ITGA1: variants seen among roughly 807,000 people sequenced by gnomAD.
ITGA1 encodes the protein integrin alpha-1.
A neutral mutation model predicts 145.9 loss-of-function variants in ITGA1; 85 were observed. The observed-to-expected ratio is 0.58, with a 90% CI of 0.49 to 0.70. The LOEUF is 0.70. Ranked by LOEUF, ITGA1 falls within the 30% of genes least tolerant of loss-of-function variation. The pLI is 0.00. For missense variants in ITGA1, 1,351 were observed against 1,418.7 expected, an observed-to-expected ratio of 0.95 and a Z score of 0.77; for synonymous variants, 520 against 495.3, an observed-to-expected ratio of 1.05 and a Z score of -0.66.
At chr5:52,852,992 A>G (rs947571497) in intron 2 of ITGA1, among the ~76,000 whole-genome samples, 9 of 152,328 alleles carry the variant, frequency 5.9e-5, no homozygotes, top group African/African-American at 2.2e-4. Flanking sequence ...TTAGAACTAT[A>G]TTTAAAAGTA....
At chr5:52,905,627 G>T in intron 11 of ITGA1, 136 bp from the exon 12 acceptor site, 1 of 659,090 alleles carries the variant, frequency 1.5e-6, no homozygotes, top group Non-Finnish European at 2.4e-6. Flanking sequence ...ATTCTTACGT[G>T]CATTGAAGAA....
In ITGA1 at chr5:52,836,221, C is replaced by T. The variant is rs111441508; in HGVS notation, c.62-13144C>T. Among the ~76,000 whole-genome samples, 158 of 152,306 alleles carry T rather than the reference C, an allele frequency of 1.0e-3. 1 individual carries two copies. Among genetic ancestry groups the T allele is most frequent in the African/African-American group, 3.5e-3 (144 of 41,576 alleles). ...CCTGGAGCAGCACATGTGTCTCTTTCTTACAGAAAATTTCAGTTCCATGGT... is the reference window on the plus strand; with the variant it reads ...CCTGGAGCAGCACATGTGTCTCTTTTTTACAGAAAATTTCAGTTCCATGGT... On this transcript the variant is annotated intron_variant, in intron 1 of 28. Coordinates refer to ENST00000282588, the MANE Select transcript of ITGA1 (RefSeq NM_181501.2).
Position 52,788,423 on chromosome 5 carries a change from C to G in ITGA1, c.61+9C>G. On this transcript the variant is annotated intron_variant, in intron 1 of 28. Transcript: ENST00000282588. ...CTGCTGGCTCCTCACTGGTGAGCGA[C>G]TCGCTTTTCTCTGAGCATCTCCTGC... 1 of 1,504,772 alleles carries G rather than the reference C, an allele frequency of 6.6e-7. No individual in the cohort carries two copies. The highest frequency in any genetic ancestry group is 1.2e-5 in the South Asian group (1 of 80,334). The allele number at this position is 1,504,772 out of a possible 1,614,324, so 93.2% of individuals were successfully genotyped here. A position where few individuals can be genotyped will look rare whatever the true frequency, so the allele number is the denominator to read the frequency against.
intron 1 of ITGA1, chr5:52,800,550 C>T (rs1748449548): frequency 6.2e-7 from 1 of 1,613,844 alleles, no homozygotes. Flanking sequence ...CAGAGTCCTC[C>T]ACGGGCAGCG....
chr5:52,789,197 C>CT (rs1748191464), intron 1 of ITGA1, among the ~76,000 whole-genome samples: 1 of 151,646 alleles, frequency 6.6e-6, no homozygotes, highest in African/African-American at 2.4e-5. Flanking sequence ...ATGGTCAGAT[C>CT]TTTTTTACCA....
chr5:52,902,778 T>C (rs1750336912), intron 11 of ITGA1: 1 of 152,148 alleles, frequency 6.6e-6, no homozygotes, highest in Admixed American at 6.5e-5. Flanking sequence ...TTTCATCATG[T>C]TGGCCAGACT....
intron 28 of ITGA1, among the ~76,000 whole-genome samples, chr5:52,949,968 C>G (rs1409715048): frequency 6.6e-6 from 1 of 152,178 alleles, no homozygotes; most frequent in Non-Finnish European, 1.5e-5. Flanking sequence ...GTCTGAGTCT[C>G]TGTGTAAGAG....
chr5:52,802,682 A>G (rs1748513271), intron 1 of ITGA1: 1 of 152,100 alleles, frequency 6.6e-6, no homozygotes, highest in Non-Finnish European at 1.5e-5. Context: ...AACATGCTAT[A>G]TTATTTATTT....
chr5:52,833,053 A>G (rs1166781036), intron 1 of ITGA1, among the ~76,000 whole-genome samples: 2 of 151,858 alleles, frequency 1.3e-5, no homozygotes, highest in Admixed American at 6.6e-5. Context: ...TTAGCTGGGC[A>G]TGGTGGTACA....
At chr5:52,878,676 G>T (rs1404726235) in intron 6 of ITGA1, among the ~76,000 whole-genome samples, 1 of 152,150 alleles carries the variant, frequency 6.6e-6, no homozygotes, top group Admixed American at 6.5e-5. Flanking sequence ...GAACAACGTG[G>T]ACTCATTAGT....
chr5:52,924,715 G>A (rs1192500116), intron 18 of ITGA1, among the ~76,000 whole-genome samples: 1 of 152,180 alleles, frequency 6.6e-6, no homozygotes, highest in Admixed American at 6.5e-5. Flanking sequence ...GAATGCTTGG[G>A]TGTGAGGTGG....
intron 1 of ITGA1, chr5:52,801,752 G>C (rs1561212422): frequency 6.2e-7 from 1 of 1,614,018 alleles, no homozygotes; most frequent in Non-Finnish European, 8.5e-7. Context: ...GAACAGCTCA[G>C]CCAGTTGACT....
At chr5:52,884,200 T>C (rs748994521) in intron 7 of ITGA1, among the ~76,000 whole-genome samples, 12 of 152,216 alleles carry the variant, frequency 7.9e-5, no homozygotes, top group Admixed American at 1.3e-4. Context: ...TCCCAGCACT[T>C]TGGGAGTCTG....
At chr5:52,940,716 T>C (rs1433000896) in intron 26 of ITGA1, among the ~76,000 whole-genome samples, 2 of 152,242 alleles carry the variant, frequency 1.3e-5, no homozygotes, top group African/African-American at 4.8e-5. Flanking sequence ...GTTGAACATA[T>C]GACTTTGCCA....
rs1751279661 is a variant in ITGA1, at chr5:52,954,855, A to T, written c.*2404A>T. Reference sequence around the variant, plus strand: ...AAAAACAAGTACAGAGCGTTTGATTAAAAAAAGTCAACAAATGTTTCAAAA... The same window carrying T: ...AAAAACAAGTACAGAGCGTTTGATTTAAAAAAGTCAACAAATGTTTCAAAA... On this transcript the variant is annotated 3_prime_UTR_variant, in exon 29 of 29. Coordinates refer to ENST00000282588, the MANE Select transcript of ITGA1 (RefSeq NM_181501.2). The T allele has an allele frequency of 6.6e-6, 1 of 152,276 alleles. No individual in the cohort carries two copies. Among genetic ancestry groups the T allele is most frequent in the African/African-American group, 2.4e-5 (1 of 41,566 alleles). 9.4% of individuals were successfully genotyped at this position (152,276 alleles called of 1,614,324 possible).
At chr5:52,827,089 C>CTTTTTTTT (rs201041439) in intron 1 of ITGA1, among the ~76,000 whole-genome samples, 1 of 134,848 alleles carries the variant, frequency 7.4e-6, no homozygotes. Flanking sequence ...CCATTAAGAA[C>CTTTTTTTT]TTTTTTTTTT....
intron 18 of ITGA1, among the ~76,000 whole-genome samples, chr5:52,924,538 C>T (rs1366809562): frequency 6.6e-6 from 1 of 152,202 alleles, no homozygotes; most frequent in African/African-American, 2.4e-5. Context: ...GGACTTGGTG[C>T]CACTGCACAA....
At chr5:52,790,963 C>G (rs1269104323) in intron 1 of ITGA1, among the ~76,000 whole-genome samples, 1 of 152,184 alleles carries the variant, frequency 6.6e-6, no homozygotes, top group Admixed American at 6.5e-5. Context: ...TTCCACCTTT[C>G]CATCCTACCA....
chr5:52,912,657 A>G (rs1037438274), intron 14 of ITGA1, among the ~76,000 whole-genome samples: 2 of 147,390 alleles, frequency 1.4e-5, no homozygotes, highest in African/African-American at 5.0e-5. Flanking sequence ...TACACTATAT[A>G]TAGTGTATCT....
Sources: gnomAD v4.1 joint callset for allele counts (sites outside exome capture counted in the v4.1 genomes callset) on GRCh38, gnomAD v4.1.1 for gene constraint, MANE v1.5 for transcripts, NCBI Gene and HGNC (gene_info 2026-07-23, HGNC 2026-07-21) for gene names.